MAN1A2: variants seen among roughly 807,000 people sequenced by gnomAD.
MAN1A2 encodes the protein mannosyl-oligosaccharide 1,2-alpha-mannosidase IB.
Under a neutral mutation model 75.7 loss-of-function variants are expected in MAN1A2, and 26 were observed. The observed-to-expected ratio is 0.34, with a 90% CI of 0.25 to 0.48. The LOEUF (loss-of-function observed/expected upper bound fraction) is 0.48, where lower values mean the gene tolerates loss of function less well. Ranked by LOEUF, MAN1A2 falls within the 20% of genes least tolerant of loss-of-function variation. The probability of loss-of-function intolerance (pLI) is 0.99; values close to 1 mark genes in which losing one functional copy is unlikely to be tolerated. For synonymous variants in MAN1A2, 247 were observed against 264.6 expected (o/e 0.93, Z 0.65); for missense variants, 562 against 775.5 (o/e 0.72, Z 3.27).
intron 2 of MAN1A2, among the ~76,000 whole-genome samples, chr1:117,403,837 G>A (rs1269273196): frequency 1.3e-5 from 2 of 152,056 alleles, no homozygotes; most frequent in Non-Finnish European, 2.9e-5. Context: ...GACATACTAG[G>A]TTTGTTCCCA....
intron 9 of MAN1A2, chr1:117,494,304 AAAGT>A (rs770045998): frequency 1.5e-4 from 23 of 152,244 alleles, no homozygotes; most frequent in Admixed American, 3.9e-4. Context: ...GTGAAATAGA[AAAGT>A]AAGTCAGAAG....
chr1:117,386,117 T>C (rs1048025646), intron 1 of MAN1A2, among the ~76,000 whole-genome samples: 1 of 152,210 alleles, frequency 6.6e-6, no homozygotes, highest in Non-Finnish European at 1.5e-5. Flanking sequence ...AGGGATTCTG[T>C]TACCATTATA....
At chr1:117,455,315 G>T (rs1350660872) in intron 6 of MAN1A2, among the ~76,000 whole-genome samples, 1 of 152,122 alleles carries the variant, frequency 6.6e-6, no homozygotes, top group Non-Finnish European at 1.5e-5. Flanking sequence ...AGTAGTGAGA[G>T]GAAGCAAATT....
intron 1 of MAN1A2, among the ~76,000 whole-genome samples, chr1:117,381,655 T>C (rs1296509939): frequency 6.6e-6 from 1 of 152,190 alleles, no homozygotes; most frequent in African/African-American, 2.4e-5. Flanking sequence ...TATGTGTGCA[T>C]GTGTCTTTAT....
chr1:117,382,555 A>G (rs1044168024), intron 1 of MAN1A2, among the ~76,000 whole-genome samples: 5 of 152,184 alleles, frequency 3.3e-5, no homozygotes, highest in African/African-American at 9.7e-5. Flanking sequence ...CTGTTTTGGT[A>G]CCAGTACCAT....
intron 6 of MAN1A2, among the ~76,000 whole-genome samples, chr1:117,455,598 C>T (rs1649552643): frequency 6.6e-6 from 1 of 151,980 alleles, no homozygotes; most frequent in Non-Finnish European, 1.5e-5. Context: ...ACAATCTTAA[C>T]TTTGAAAACA....
intron 1 of MAN1A2, among the ~76,000 whole-genome samples, chr1:117,372,816 A>G (rs1163244654): frequency 6.9e-6 from 1 of 144,296 alleles, no homozygotes; most frequent in African/African-American, 2.7e-5. Context: ...TTGTGAGTTA[A>G]AAAAAAAAAA....
At chr1:117,468,115 C>G (rs1261473348) in intron 8 of MAN1A2, among the ~76,000 whole-genome samples, 1 of 152,066 alleles carries the variant, frequency 6.6e-6, no homozygotes. Flanking sequence ...TTAATTGACT[C>G]ACAGTTCCAC....
At chr1:117,520,176 A>T (rs914222667) in intron 12 of MAN1A2, among the ~76,000 whole-genome samples, 1 of 152,190 alleles carries the variant, frequency 6.6e-6, no homozygotes, top group African/African-American at 2.4e-5. Context: ...ACATACCTCA[A>T]TGTAATAAAA....
intron 6 of MAN1A2, among the ~76,000 whole-genome samples, chr1:117,450,539 G>A (rs907853659): frequency 6.6e-6 from 1 of 152,164 alleles, no homozygotes; most frequent in Non-Finnish European, 1.5e-5. Flanking sequence ...AGACAATGGG[G>A]CAAATGTCTC....
At chr1:117,400,075 T>C (rs1008044755) in intron 1 of MAN1A2, among the ~76,000 whole-genome samples, 1 of 152,140 alleles carries the variant, frequency 6.6e-6, no homozygotes, top group South Asian at 2.1e-4. Context: ...TATGTGCTGA[T>C]GATGCCCTTG....
At chr1:117,501,568 T>C (rs1188916047) in intron 11 of MAN1A2, among the ~76,000 whole-genome samples, 1 of 151,802 alleles carries the variant, frequency 6.6e-6, no homozygotes, top group African/African-American at 2.4e-5. Flanking sequence ...TTTCTTATTA[T>C]TCTTAAACCA....
At position 117,460,581 on chromosome 1, in the gene MAN1A2, ACT is replaced by A; in HGVS notation, c.1044_1045del (p.Leu349AspfsTer54). ...CATATGGAGTTCATCCACCTCAGCT[ACT>A]TGACAGGGGACCTGACTTACTACAA... On this transcript the variant is annotated frameshift_variant, in exon 7 of 13. Transcript: ENST00000356554. LOFTEE classifies it high-confidence loss of function. 1 of 1,609,978 alleles carries A rather than the reference ACT, an allele frequency of 6.2e-7. No homozygotes were observed. The highest frequency in any genetic ancestry group is 8.5e-7 in the Non-Finnish European group (1 of 1,178,446).
chr1:117,382,497 T>C (rs1199414893), intron 1 of MAN1A2, among the ~76,000 whole-genome samples: 4 of 152,192 alleles, frequency 2.6e-5, no homozygotes, highest in Admixed American at 2.6e-4. Flanking sequence ...GTTGTAGATA[T>C]GCGGCATTAT....
intron 1 of MAN1A2, among the ~76,000 whole-genome samples, chr1:117,397,116 C>G (rs929750909): frequency 6.6e-6 from 1 of 152,050 alleles, no homozygotes; most frequent in Non-Finnish European, 1.5e-5. Context: ...TGGAGTTTCT[C>G]TTAGGACCAG....
intron 4 of MAN1A2, among the ~76,000 whole-genome samples, chr1:117,417,024 A>G (rs375485761): frequency 6.6e-6 from 1 of 152,176 alleles, no homozygotes. Flanking sequence ...GCAGGAGGGA[A>G]TAAGACTCTT....
intron 6 of MAN1A2, among the ~76,000 whole-genome samples, chr1:117,452,630 TAA>T (rs1649459210): frequency 6.6e-6 from 1 of 152,194 alleles, no homozygotes; most frequent in South Asian, 2.1e-4. Flanking sequence ...CTGTGAATGC[TAA>T]GAGAGGTGAG....
intron 5 of MAN1A2, among the ~76,000 whole-genome samples, chr1:117,423,382 T>C (rs932168474): frequency 1.2e-4 from 19 of 152,210 alleles, no homozygotes; most frequent in African/African-American, 4.1e-4. Flanking sequence ...CCTTTTTGTA[T>C]AAATTTTAGA....
At chr1:117,397,645 CTTTTTTTTT>C (rs34594031) in intron 1 of MAN1A2, among the ~76,000 whole-genome samples, 5 of 105,880 alleles carry the variant, frequency 4.7e-5, no homozygotes, top group Admixed American at 2.2e-4. Flanking sequence ...TTATAACCCC[CTTTTTTTTT>C]TTTTTTTTTT....
Sources: gnomAD v4.1 joint callset for allele counts (sites outside exome capture counted in the v4.1 genomes callset) on GRCh38, gnomAD v4.1.1 for gene constraint, MANE v1.5 for transcripts, NCBI Gene and HGNC (gene_info 2026-07-23, HGNC 2026-07-21) for gene names.